The following STPG2 variants were observed in gnomAD, a reference collection of about 807,000 sequenced individuals.
STPG2 encodes sperm tail PG-rich repeat containing 2.
STPG2 carries 56 observed loss-of-function variants against 54.2 expected under a neutral mutation model. The observed-to-expected ratio is 1.03, with a 90% CI of 0.83 to 1.29. STPG2 has a LOEUF of 1.29. Among genes scored for constraint, STPG2 ranks in the 50% most tolerant of loss-of-function variants. STPG2 has a pLI of 0.00. For synonymous variants in STPG2, 200 were observed against 181.8 expected (o/e 1.10, Z -0.81); for missense variants, 596 against 544.9 (o/e 1.09, Z -0.93).
At chr4:97,844,568 G>T (rs1381169857) in intron 8 of STPG2, among the ~76,000 whole-genome samples, 3 of 152,002 alleles carry the variant, frequency 2.0e-5, no homozygotes, top group African/African-American at 7.2e-5. Flanking sequence ...CACTATATAA[G>T]TTTCCTTTTT....
chr4:98,095,252 A>G (rs1422241624), intron 5 of STPG2, among the ~76,000 whole-genome samples: 3 of 152,208 alleles, frequency 2.0e-5, no homozygotes, highest in Admixed American at 1.3e-4. Context: ...GAAGGCATGA[A>G]AAAAGGAAGA....
At chr4:97,929,238 G>T (rs1732449239) in intron 8 of STPG2, among the ~76,000 whole-genome samples, 1 of 152,130 alleles carries the variant, frequency 6.6e-6, no homozygotes, top group South Asian at 2.1e-4. Context: ...AGTATTCTAT[G>T]GTGTATATGT....
intron 9 of STPG2, among the ~76,000 whole-genome samples, chr4:97,737,718 A>C (rs2149032741): frequency 6.6e-6 from 1 of 152,316 alleles, no homozygotes; most frequent in Non-Finnish European, 1.5e-5. Flanking sequence ...ATGTGAAAAG[A>C]CCATATCTAC....
chr4:97,984,891 C>CAGCA (rs1734784470), intron 5 of STPG2, among the ~76,000 whole-genome samples: 1 of 152,124 alleles, frequency 6.6e-6, no homozygotes, highest in South Asian at 2.1e-4. Flanking sequence ...TCTTGCAAGC[C>CAGCA]AGTACAAATA....
At chr4:97,815,724 G>A (rs1372002845) in intron 9 of STPG2, among the ~76,000 whole-genome samples, 2 of 152,094 alleles carry the variant, frequency 1.3e-5, no homozygotes, top group Non-Finnish European at 2.9e-5. Context: ...CAGGATAGCT[G>A]CACTATGTTA....
At chr4:97,758,544 T>G (rs2149051413) in intron 9 of STPG2, among the ~76,000 whole-genome samples, 1 of 152,262 alleles carries the variant, frequency 6.6e-6, no homozygotes, top group African/African-American at 2.4e-5. Context: ...GCACCGCATG[T>G]TCTCACTCAT....
intron 10 of STPG2, among the ~76,000 whole-genome samples, chr4:97,609,293 A>G (rs1733675801): frequency 6.6e-6 from 1 of 152,020 alleles, no homozygotes; most frequent in Admixed American, 6.6e-5. Context: ...TAGTGGAAGT[A>G]GATAGTATTC....
At chr4:97,862,859 C>T (rs1014644900) in intron 8 of STPG2, among the ~76,000 whole-genome samples, 11 of 152,206 alleles carry the variant, frequency 7.2e-5, no homozygotes, top group South Asian at 6.2e-4. Flanking sequence ...GCATACGTAA[C>T]GAAATGGAGG....
At chr4:97,586,769 A>G (rs970011375) in intron 10 of STPG2, among the ~76,000 whole-genome samples, 3 of 151,970 alleles carry the variant, frequency 2.0e-5, no homozygotes, top group Non-Finnish European at 4.4e-5. Context: ...TTCTCAGGTG[A>G]AGGCAAACTA....
At position 97,690,948 on chromosome 4, in the gene STPG2, C is replaced by A. The variant is rs1480746328; in HGVS notation, c.1320+21751G>T. Among the ~76,000 whole-genome samples, 3 of 152,160 alleles carry A rather than the reference C, an allele frequency of 2.0e-5. No individual in the cohort carries two copies. In the East Asian group the frequency reaches 5.8e-4, roughly 29 times the overall value. On this transcript the variant is annotated intron_variant, in intron 10 of 10. Transcript: ENST00000295268. Reference sequence around the variant, plus strand: ...CTCTCAGAAATGACTAGGTCAATATCAATGACAGAATCCATGAAGATGAAA... The same window carrying A: ...CTCTCAGAAATGACTAGGTCAATATAAATGACAGAATCCATGAAGATGAAA...
intron 8 of STPG2, among the ~76,000 whole-genome samples, chr4:97,902,079 G>C (rs1279706935): frequency 6.6e-6 from 1 of 151,956 alleles, no homozygotes; most frequent in Non-Finnish European, 1.5e-5. Context: ...TCAATAAATA[G>C]TCTTGAGAAA....
intron 10 of STPG2, among the ~76,000 whole-genome samples, chr4:97,615,424 A>C (rs1394235514): frequency 6.6e-6 from 1 of 152,004 alleles, no homozygotes; most frequent in Non-Finnish European, 1.5e-5. Context: ...TCATTTACTA[A>C]TCTTTCCCAT....
chr4:97,686,928 T>C (rs1412147331), intron 10 of STPG2, among the ~76,000 whole-genome samples: 1 of 149,244 alleles, frequency 6.7e-6, no homozygotes, highest in East Asian at 1.9e-4. Flanking sequence ...TACTAATTAT[T>C]ATTATTATTA....
intron 5 of STPG2, among the ~76,000 whole-genome samples, chr4:98,006,331 G>C (rs1452316538): frequency 6.6e-6 from 1 of 152,208 alleles, no homozygotes; most frequent in Non-Finnish European, 1.5e-5. Context: ...CCAGGCCACA[G>C]GAAAGCACAT....
intron 5 of STPG2, among the ~76,000 whole-genome samples, chr4:98,029,348 A>G (rs540230446): frequency 1.3e-5 from 2 of 152,224 alleles, no homozygotes; most frequent in Non-Finnish European, 2.9e-5. Context: ...TCCCTCAAGC[A>G]TTCTGAATCT....
intron 5 of STPG2, among the ~76,000 whole-genome samples, chr4:98,025,228 C>G (rs1034373412): frequency 1.3e-5 from 2 of 152,126 alleles, no homozygotes; most frequent in African/African-American, 4.8e-5. Flanking sequence ...AAGTATCAAA[C>G]CTTTTTTACT....
intron 9 of STPG2, among the ~76,000 whole-genome samples, chr4:97,806,764 A>C (rs145223643): frequency 5.3e-4 from 81 of 152,258 alleles, no homozygotes; most frequent in African/African-American, 1.9e-3. Flanking sequence ...GTTTAATACA[A>C]AAAGAAATAT....
At chr4:97,629,601 A>G (rs1721194552) in intron 10 of STPG2, among the ~76,000 whole-genome samples, 1 of 152,062 alleles carries the variant, frequency 6.6e-6, no homozygotes, top group Non-Finnish European at 1.5e-5. Flanking sequence ...CAGTGAATTC[A>G]TGAACACATT....
chr4:97,719,144 C>A (rs1347243983), intron 9 of STPG2, among the ~76,000 whole-genome samples: 2 of 151,858 alleles, frequency 1.3e-5, no homozygotes, highest in African/African-American at 4.8e-5. Flanking sequence ...TAATTACAAC[C>A]AAGATAACTA....
Sources: allele counts gnomAD v4.1 joint callset (sites outside exome capture counted in the v4.1 genomes callset), GRCh38; gene constraint gnomAD v4.1.1; transcripts MANE v1.5; gene names NCBI Gene and HGNC (gene_info 2026-07-23, HGNC 2026-07-21).